Variants in DMD observed in about 807,000 individuals in gnomAD.
DMD encodes the protein mutant dystrophin.
Under a neutral mutation model 330.1 loss-of-function variants are expected in DMD, and 63 were observed. The ratio of observed to expected loss-of-function variants is 0.19; its 90% CI spans 0.16 to 0.24. DMD has a LOEUF of 0.24. DMD is among the 10% of genes least tolerant of loss of function. DMD has a pLI of 1.00. For synonymous variants in DMD, 1,223 were observed against 959.8 expected (o/e 1.27, Z -5.07); for missense variants, 3,344 against 2,684.1 (o/e 1.25, Z -5.43).
intron 62 of DMD, among the ~76,000 whole-genome samples, chrX:31,286,505 A>G (rs2053222295): frequency 8.9e-6 from 1 of 112,127 alleles, no homozygotes; most frequent in Non-Finnish European, 1.9e-5. Flanking sequence ...GTCTGTTTTA[A>G]GAGTTATCAT....
At chrX:33,002,850 GAAAAAAAAAAA>G (rs145168802) in intron 2 of DMD, among the ~76,000 whole-genome samples, 15 of 38,746 alleles carry the variant, frequency 3.9e-4, no homozygotes, top group Non-Finnish European at 5.2e-4. Flanking sequence ...TTTTTTTCTC[GAAAAAAAAAAA>G]AAAAAAAAAA....
Position 33,009,548 on chromosome X carries a change from ATATGTGTG to A in DMD, c.93+10583_93+10590del, listed in dbSNP as rs1252891533. 7.8e-5 allele frequency among the ~76,000 whole-genome samples: 5 copies of A among 63,929 alleles called. 1 individual carries two copies. The highest frequency in any genetic ancestry group is 1.2e-4 in the Non-Finnish European group (4 of 32,727). The allele number at this position is 63,929 out of a possible 115,157, so 55.5% of individuals were successfully genotyped here. Reference sequence around the variant, plus strand: ...TGTATGTGTGTATGTGTATATACACATATGTGTGTATGTGTGTATGTGTATATACACAT... The same window carrying A: ...TGTATGTGTGTATGTGTATATACACATATGTGTGTATGTGTATATACACAT... On this transcript the variant is annotated intron_variant, in intron 2 of 78. Transcript: ENST00000357033.
chrX:32,519,736 C>G (rs1417562368), intron 17 of DMD, among the ~76,000 whole-genome samples: 1 of 111,979 alleles, frequency 8.9e-6, no homozygotes, highest in Non-Finnish European at 1.9e-5. Flanking sequence ...AACATATGAC[C>G]TGATCTATTG....
At chrX:33,008,935 TAC>T (rs1377535491) in intron 2 of DMD, among the ~76,000 whole-genome samples, 21 of 95,968 alleles carry the variant, frequency 2.2e-4, no homozygotes, top group Non-Finnish European at 4.0e-4. Flanking sequence ...CATGTATATA[TAC>T]ACACGTATAT....
chrX:32,507,403 A>G (rs779452841), intron 18 of DMD, among the ~76,000 whole-genome samples: 3 of 111,952 alleles, frequency 2.7e-5, no homozygotes, highest in East Asian at 5.6e-4. Context: ...AATATTGAAA[A>G]TAAATTATCA....
intron 78 of DMD, among the ~76,000 whole-genome samples, chrX:31,123,475 T>TA (rs1182680017): frequency 6.2e-5 from 7 of 112,093 alleles, no homozygotes; most frequent in Non-Finnish European, 1.3e-4. Context: ...TTCTGTGCCA[T>TA]AAAAACCACA....
intron 44 of DMD, among the ~76,000 whole-genome samples, chrX:31,976,596 C>T (rs2095437732): frequency 9.0e-6 from 1 of 110,564 alleles, no homozygotes; most frequent in Non-Finnish European, 1.9e-5. Flanking sequence ...AATTGAGAGG[C>T]CGTATGATTC....
Position 31,119,390 on chromosome X carries a change from A to ATATT in DMD, c.*2525_*2528dup, listed in dbSNP as rs1569271761. 8.9e-6 allele frequency: 1 copy of ATATT among 112,484 alleles called. No homozygotes were observed. The highest frequency in any genetic ancestry group is 2.8e-4 in the East Asian group (1 of 3,614). The allele number at this position is 112,484 out of a possible 1,213,427, so 9.3% of individuals were successfully genotyped here. A position where few individuals can be genotyped will look rare whatever the true frequency, so the allele number is the denominator to read the frequency against. On this transcript the variant is annotated 3_prime_UTR_variant, in exon 79 of 79. Coordinates refer to ENST00000357033, the MANE Select transcript of DMD (RefSeq NM_004006.3). Reference sequence around the variant, plus strand: ...TACAGTGTTGGTGTTAAAACACAATATATTATGATACTCAAGTAAGAACTC... The same window carrying ATATT: ...TACAGTGTTGGTGTTAAAACACAATATATTTATTATGATACTCAAGTAAGAACTC...
intron 44 of DMD, among the ~76,000 whole-genome samples, chrX:32,022,993 C>G (rs1361134088): frequency 9.1e-6 from 1 of 109,712 alleles, no homozygotes; most frequent in Non-Finnish European, 1.9e-5. Context: ...CCACCACGCC[C>G]AGCTAATTTT....
intron 62 of DMD, among the ~76,000 whole-genome samples, chrX:31,319,172 C>T (rs2056251439): frequency 1.8e-5 from 2 of 111,622 alleles, no homozygotes; most frequent in African/African-American, 6.5e-5. Flanking sequence ...CTAGTCACGA[C>T]ATCCCAAAGA....
intron 59 of DMD, among the ~76,000 whole-genome samples, chrX:31,446,543 CAG>C (rs2065281739): frequency 9.0e-6 from 1 of 111,640 alleles, no homozygotes; most frequent in East Asian, 2.8e-4. Flanking sequence ...TCACTGGAAT[CAG>C]TGTGAAATTC....
At chrX:31,633,981 A>T (rs2079267735) in intron 54 of DMD, among the ~76,000 whole-genome samples, 1 of 112,233 alleles carries the variant, frequency 8.9e-6, no homozygotes, top group African/African-American at 3.2e-5. Flanking sequence ...CTCTGAAGAC[A>T]GATATTGGAA....
chrX:32,682,773 A>C (rs2062531323), intron 9 of DMD, among the ~76,000 whole-genome samples: 1 of 111,888 alleles, frequency 8.9e-6, no homozygotes, highest in Non-Finnish European at 1.9e-5. Context: ...CTTAGTTCTA[A>C]GTTGGGTGAG....
At chrX:31,433,854 AG>A (rs1275153434) in intron 60 of DMD, among the ~76,000 whole-genome samples, 1 of 99,513 alleles carries the variant, frequency 1.0e-5, no homozygotes, top group Non-Finnish European at 2.0e-5. Context: ...CAGAAATTAT[AG>A]TTTTTTTCCC....
intron 7 of DMD, among the ~76,000 whole-genome samples, chrX:32,706,593 G>GA (rs1275796769): frequency 5.5e-5 from 6 of 109,964 alleles, no homozygotes; most frequent in Admixed American, 1.9e-4. Flanking sequence ...AATTAAAAAA[G>GA]AAAAAAACAG....
chrX:32,605,472 C>T (rs2056613504), intron 12 of DMD, among the ~76,000 whole-genome samples: 1 of 109,801 alleles, frequency 9.1e-6, no homozygotes, highest in Non-Finnish European at 1.9e-5. Flanking sequence ...CTAGGAAAAA[C>T]TCTTCTCGAC....
chrX:32,391,509 T>C (rs751161626), intron 30 of DMD, among the ~76,000 whole-genome samples: 1 of 111,933 alleles, frequency 8.9e-6, no homozygotes, highest in Non-Finnish European at 1.9e-5. Context: ...ATCCTAACAA[T>C]TATAGAGGCA....
chrX:32,821,049 G>A (rs897952154), intron 5 of DMD, among the ~76,000 whole-genome samples: 16 of 110,733 alleles, frequency 1.4e-4, no homozygotes, highest in African/African-American at 5.3e-4. Context: ...GCTGAAAATC[G>A]GCCAACTTGG....
intron 1 of DMD, among the ~76,000 whole-genome samples, chrX:33,336,538 T>G (rs1380799791): frequency 9.0e-6 from 1 of 110,913 alleles, no homozygotes; most frequent in Non-Finnish European, 1.9e-5. Context: ...ACTTAAAAAA[T>G]AATGATGCTC....
Sources: gnomAD v4.1 joint callset for allele counts (sites outside exome capture counted in the v4.1 genomes callset) on GRCh38, gnomAD v4.1.1 for gene constraint, MANE v1.5 for transcripts, NCBI Gene and HGNC (gene_info 2026-07-23, HGNC 2026-07-21) for gene names.